USP42: variants seen among roughly 807,000 people sequenced by gnomAD.
The protein encoded by USP42 is ubiquitin specific peptidase 42, also known as ubiquitin carboxyl-terminal hydrolase 42.
Under a neutral mutation model 113.0 loss-of-function variants are expected in USP42, and 23 were observed. That is an observed-to-expected ratio of 0.20 (90% CI 0.15 to 0.29). The LOEUF (loss-of-function observed/expected upper bound fraction) is 0.29. USP42 is among the 10% of genes least tolerant of loss of function. USP42 has a pLI of 1.00. For missense variants in USP42, 2,174 were observed against 1,779.8 expected (o/e 1.22, Z -3.99); for synonymous variants, 933 against 699.0 (o/e 1.33, Z -5.28).
At chr7:6,112,511 T>C (rs544392951) in intron 2 of USP42, among the ~76,000 whole-genome samples, 25 of 152,284 alleles carry the variant, frequency 1.6e-4, no homozygotes, top group African/African-American at 5.3e-4. Context: ...GTTATAATGA[T>C]ACAAATGTGG....
chr7:6,115,822 A>G (rs1215677157), intron 3 of USP42, among the ~76,000 whole-genome samples: 2 of 152,134 alleles, frequency 1.3e-5, no homozygotes, highest in Admixed American at 6.6e-5. Context: ...AATATCTGAC[A>G]TTAGCTGGGC....
Position 6,142,552 on chromosome 7 carries a change from T to C in USP42, c.796-380T>C, listed in dbSNP as rs140855272. Among the ~76,000 whole-genome samples, 156 of 152,280 alleles carry C rather than the reference T, an allele frequency of 1.0e-3. 1 individual carries two copies. Among genetic ancestry groups the C allele is most frequent in the African/African-American group, 3.5e-3 (147 of 41,552 alleles). On this transcript the variant is annotated intron_variant, in intron 7 of 17. Transcript: ENST00000306177. ...TTTTTACATAAAAATTTTCATTTGC[T>C]GTTATATCTTTGAGTCTTCTGTTCC...
chr7:6,155,876 A>T (rs1010406268), intron 15 of USP42, among the ~76,000 whole-genome samples: 11 of 152,008 alleles, frequency 7.2e-5, no homozygotes, highest in African/African-American at 2.2e-4. Flanking sequence ...TTCAGCCCTC[A>T]GCCTCTGGAG....
At chr7:6,099,211 C>CTTTTTTT in the USP42 span, among the ~76,000 whole-genome samples, 1 of 98,802 alleles carries the variant, frequency 1.0e-5, no homozygotes, top group Non-Finnish European at 1.9e-5. Flanking sequence ...TGTTCCCTCT[C>CTTTTTTT]TTTTTTTTTT....
the USP42 span, among the ~76,000 whole-genome samples, chr7:6,083,105 A>G: frequency 1.3e-5 from 2 of 148,500 alleles, 1 homozygote; most frequent in African/African-American, 5.1e-5. Flanking sequence ...TTGTATTTTT[A>G]GTAGAGGTGG....
Position 6,150,203 on chromosome 7 carries a change from G to A in USP42, c.2007G>A (p.Pro669=), listed in dbSNP as rs750773438. 1.8e-5 allele frequency: 29 copies of A among 1,613,754 alleles called. 1 individual carries two copies. Among genetic ancestry groups the A allele is most frequent in the African/African-American group, 5.3e-5 (4 of 74,924 alleles). ...ATAGTGCAGACAGCGACAGTGACCC[G>A]AAAGAAAACGGCCTAGCGCCTGATG... ...GANSADSDSD[P]KENGLAPDGA... Residue 669 remains proline, a synonymous_variant, in exon 13 of 18, where the codon CCG becomes CCA. Transcript: ENST00000306177.
rs1052948396 is a variant in USP42 at position 6,155,016 on chromosome 7, C to T, written c.3462C>T (p.His1154=). ...ACCTCTCTGATCGGTTTCACGAACA[C>T]GAAAATGGAAAGTCCCGGAAACGGA... ...NCNLSDRFHE[H]ENGKSRKRRH... is the part of the protein sequence containing the mutation. The change falls in exon 15 of 18, where the codon CAC becomes CAT. Residue 1154 remains histidine, a synonymous_variant. Transcript: ENST00000306177. 3 of 1,565,134 alleles carry T rather than the reference C, an allele frequency of 1.9e-6. No individual in the cohort carries two copies. The highest frequency in any genetic ancestry group is 2.6e-6 in the Non-Finnish European group (3 of 1,154,640).
At chr7:6,104,773 AC>A (rs1779162090), upstream of USP42, 1 of 151,300 alleles carries the variant, frequency 6.6e-6, no homozygotes, top group African/African-American at 2.4e-5. Flanking sequence ...TTGGGCGACG[AC>A]CCCTCCCACA....
In USP42 at chr7:6,139,286, A is replaced by G; in HGVS notation, c.656+92A>G. On this transcript the variant is annotated intron_variant, in intron 5 of 17. Transcript: ENST00000306177. The surrounding 1 kb of genome is among the most constrained non-coding windows in gnomAD (Gnocchi z 4.5). Reference sequence around the variant, plus strand: ...AATTCATTTTCACCTTTTTTGTTGGAAGCACACAGAACAGTGTTCACTTTA... The same window carrying G: ...AATTCATTTTCACCTTTTTTGTTGGGAGCACACAGAACAGTGTTCACTTTA... 1 of 1,018,278 alleles carries G rather than the reference A, an allele frequency of 9.8e-7. No individual in the cohort carries two copies. Among genetic ancestry groups the G allele is most frequent in the South Asian group, 1.7e-5 (1 of 57,892 alleles). The allele number at this position is 1,018,278 out of a possible 1,614,324, so 63.1% of individuals were successfully genotyped here.
At chr7:6,098,350 C>A in the USP42 span, among the ~76,000 whole-genome samples, 1 of 149,918 alleles carries the variant, frequency 6.7e-6, no homozygotes, top group African/African-American at 2.5e-5. Context: ...CAGCCCTCAC[C>A]CCTCACCCCT....
At chr7:6,142,908 T>G in intron 7 of USP42, 24 bp from the exon 8 acceptor site, 1 of 1,612,340 alleles carries the variant, frequency 6.2e-7, no homozygotes, top group Non-Finnish European at 8.5e-7. Context: ...GGTGATGTGG[T>G]GTTTGTGCCT....
chr7:6,129,413 C>G (rs920806474), intron 3 of USP42, among the ~76,000 whole-genome samples: 1 of 149,886 alleles, frequency 6.7e-6, no homozygotes, highest in Non-Finnish European at 1.5e-5. Context: ...AAAGATTAGC[C>G]AGGCATGGTG....
At chr7:6,114,671 TATATA>T (rs1414336013) in intron 2 of USP42, among the ~76,000 whole-genome samples, 6 of 44,464 alleles carry the variant, frequency 1.3e-4, no homozygotes, top group Non-Finnish European at 2.2e-4. Flanking sequence ...TATATATATA[TATATA>T]TATTTTTTTT....
intron 3 of USP42, among the ~76,000 whole-genome samples, chr7:6,122,804 A>G (rs1026955786): frequency 4.6e-5 from 7 of 150,764 alleles, no homozygotes; most frequent in African/African-American, 1.7e-4. Context: ...GGGTCTCACT[A>G]AGTTGCTCAG....
intron 1 of USP42, among the ~76,000 whole-genome samples, chr7:6,109,299 C>T (rs938655385): frequency 3.3e-5 from 5 of 151,964 alleles, no homozygotes; most frequent in Admixed American, 2.0e-4. Context: ...GGGTGTTTGG[C>T]GAGGTTATTA....
intron 15 of USP42, 27 bp from the exon 16 acceptor site, chr7:6,156,727 T>G (rs1159142193): frequency 2.0e-6 from 3 of 1,516,378 alleles, no homozygotes; most frequent in Non-Finnish European, 2.6e-6. Flanking sequence ...GTTTTAGGGT[T>G]TTGAATTCTG....
chr7:6,105,671 G>A (rs1289254624), intron 1 of USP42, among the ~76,000 whole-genome samples: 7 of 152,238 alleles, frequency 4.6e-5, no homozygotes, highest in African/African-American at 1.2e-4. Context: ...GAAGGGAGAG[G>A]AGAAGCCGGG....
At chr7:6,145,796 G>A (rs1781684275) in intron 10 of USP42, 140 bp downstream of exon 10, 1 of 1,015,832 alleles carries the variant, frequency 9.8e-7, no homozygotes, top group Non-Finnish European at 1.4e-6. Flanking sequence ...TTGGCCGGGC[G>A]CAGTGGCTTA....
chr7:6,084,023 G>C, the USP42 span, among the ~76,000 whole-genome samples: 2 of 150,972 alleles, frequency 1.3e-5, no homozygotes, highest in Non-Finnish European at 2.9e-5. Flanking sequence ...ACACGAAGAG[G>C]GTTTTTGTTT....
Sources: gnomAD v4.1 joint callset for allele counts (sites outside exome capture counted in the v4.1 genomes callset) on GRCh38, gnomAD v4.1.1 for gene constraint, Gnocchi (gnomAD v3.1) non-coding constraint, MANE v1.5 for transcripts, NCBI Gene and HGNC (gene_info 2026-07-23, HGNC 2026-07-21) for gene names.